RBFOX1: variants seen among roughly 807,000 people sequenced by gnomAD.
The protein encoded by RBFOX1 is RNA binding protein fox-1 homolog 1.
In RBFOX1, 8 loss-of-function variants were observed where a neutral mutation model predicts 57.7. The ratio of observed to expected loss-of-function variants is 0.14; its 90% CI spans 0.08 to 0.25. The LOEUF is 0.25. Ranked by LOEUF, RBFOX1 falls within the 10% of genes least tolerant of loss-of-function variation. The probability of loss-of-function intolerance (pLI) is 1.00; values close to 1 mark genes in which losing one functional copy is unlikely to be tolerated. For synonymous variants in RBFOX1, 326 were observed against 222.4 expected, an observed-to-expected ratio of 1.47 and a Z score of -4.15; for missense variants, 611 against 548.5, an observed-to-expected ratio of 1.11 and a Z score of -1.14.
At position 6,855,566 on chromosome 16, in the gene RBFOX1, T is replaced by A. The variant is rs66802838; in HGVS notation, c.-15-196491T>A. Among the ~76,000 whole-genome samples, 157 of 150,564 alleles carry A rather than the reference T, an allele frequency of 1.0e-3. 1 individual carries two copies. The highest frequency in any genetic ancestry group is 1.4e-3 in the Non-Finnish European group (93 of 67,722). On this transcript the variant is annotated intron_variant, in intron 3 of 15. Transcript: ENST00000550418. ...TACTGGGGAGGCTGAGGCAGGAGAA[T>A]GGCGTGAACCCGAGAGGTGGAGCTT...
chr16:6,326,018 G>T (rs565076626), intron 2 of RBFOX1, among the ~76,000 whole-genome samples: 1 of 152,204 alleles, frequency 6.6e-6, no homozygotes, highest in Admixed American at 6.5e-5. Flanking sequence ...ACTTGTGTGC[G>T]TGAGTGTGTG....
At chr16:6,434,515 T>A (rs1431314066) in intron 2 of RBFOX1, among the ~76,000 whole-genome samples, 3 of 152,180 alleles carry the variant, frequency 2.0e-5, no homozygotes. Context: ...TTTAACTCGA[T>A]TAGCTCATGT....
chr16:6,228,237 C>G (rs1415472732), intron 1 of RBFOX1, among the ~76,000 whole-genome samples: 1 of 152,002 alleles, frequency 6.6e-6, no homozygotes, highest in Non-Finnish European at 1.5e-5. Flanking sequence ...GTGGGAGAAT[C>G]GCTTGAACCT....
chr16:6,284,544 G>C (rs2076706767), intron 1 of RBFOX1, among the ~76,000 whole-genome samples: 2 of 152,134 alleles, frequency 1.3e-5, no homozygotes, highest in Non-Finnish European at 2.9e-5. Context: ...TTTATCACCT[G>C]TTTGCCTGAG....
intron 1 of RBFOX1, among the ~76,000 whole-genome samples, chr16:5,399,058 CT>C (rs1191922349): frequency 6.6e-6 from 1 of 152,202 alleles, no homozygotes; most frequent in Admixed American, 6.5e-5. Flanking sequence ...CAGACCCCTT[CT>C]TAACTTGGTG....
intron 4 of RBFOX1, among the ~76,000 whole-genome samples, chr16:7,132,496 G>A (rs1037942677): frequency 1.4e-5 from 2 of 142,780 alleles, no homozygotes; most frequent in Admixed American, 7.0e-5. Context: ...ACTTTATCTT[G>A]AATAACATAA....
intron 2 of RBFOX1, among the ~76,000 whole-genome samples, chr16:6,651,209 C>T (rs1403162349): frequency 6.6e-6 from 1 of 152,084 alleles, no homozygotes; most frequent in African/African-American, 2.4e-5. Flanking sequence ...GCCTGGAACC[C>T]CTAATGTTTG....
intron 4 of RBFOX1, among the ~76,000 whole-genome samples, chr16:5,975,488 T>C (rs536683280): frequency 8.5e-5 from 13 of 152,356 alleles, no homozygotes; most frequent in Middle Eastern, 3.4e-3. Flanking sequence ...TGTATACTTA[T>C]GGTTTAGTAT....
At chr16:5,481,867 C>T (rs1309649109) in intron 2 of RBFOX1, among the ~76,000 whole-genome samples, 1 of 152,148 alleles carries the variant, frequency 6.6e-6, no homozygotes, top group Non-Finnish European at 1.5e-5. Flanking sequence ...GTGTCTGTGT[C>T]CTAATCAAAG....
At chr16:6,043,526 C>G (rs1034254957) in intron 1 of RBFOX1, among the ~76,000 whole-genome samples, 11 of 152,166 alleles carry the variant, frequency 7.2e-5, no homozygotes, top group Non-Finnish European at 1.3e-4. Context: ...TATTTGAATG[C>G]TAATGCTGAA....
intron 1 of RBFOX1, among the ~76,000 whole-genome samples, chr16:6,135,785 C>CTTTTTTTT (rs35563303): frequency 1.2e-5 from 1 of 85,034 alleles, no homozygotes; most frequent in Non-Finnish European, 2.2e-5. Context: ...CTCGTTTCGA[C>CTTTTTTTT]TTTTTTTTTT....
At chr16:7,289,575 C>T (rs2095719747) in intron 4 of RBFOX1, among the ~76,000 whole-genome samples, 1 of 152,072 alleles carries the variant, frequency 6.6e-6, no homozygotes, top group East Asian at 1.9e-4. Flanking sequence ...TCATGATTAT[C>T]AGTGCCATCA....
chr16:6,438,053 C>T (rs2094285169), intron 2 of RBFOX1, among the ~76,000 whole-genome samples: 1 of 152,058 alleles, frequency 6.6e-6, no homozygotes, highest in Admixed American at 6.6e-5. Flanking sequence ...TGCCGTTCAC[C>T]CTGGGGAATA....
intron 2 of RBFOX1, among the ~76,000 whole-genome samples, chr16:5,512,539 C>G (rs925574175): frequency 2.6e-5 from 4 of 152,090 alleles, no homozygotes; most frequent in African/African-American, 9.7e-5. Context: ...AGAATCCCAG[C>G]TTTGTCATTT....
intron 6 of RBFOX1, among the ~76,000 whole-genome samples, chr16:7,583,336 A>G (rs2093919868): frequency 6.6e-6 from 1 of 152,112 alleles, no homozygotes. Context: ...ATAGGTGGCT[A>G]CTTTTTCCTT....
At chr16:6,331,223 G>A (rs2082982230) in intron 2 of RBFOX1, among the ~76,000 whole-genome samples, 1 of 152,278 alleles carries the variant, frequency 6.6e-6, no homozygotes, top group African/African-American at 2.4e-5. Context: ...GGCCAAGGCA[G>A]GTGGACGTGG....
At position 6,617,781 on chromosome 16, in the gene RBFOX1, G is replaced by A. The variant is rs537339989; in HGVS notation, c.-63-36822G>A. ...GAAATATGGCAAGACAGTAGACAGT[G>A]GGGGATAAAGTACAGCAATTTTCTT... is the stretch of plus-strand genomic sequence containing the variant. On this transcript the variant is annotated intron_variant, in intron 2 of 15. Transcript: ENST00000550418. 4.6e-5 allele frequency among the ~76,000 whole-genome samples: 7 copies of A among 152,264 alleles called. 1 individual carries two copies. The East Asian group carries it at 1.2e-3, about 25-fold the overall frequency.
intron 1 of RBFOX1, among the ~76,000 whole-genome samples, chr16:6,072,938 A>G (rs545216580): frequency 1.4e-4 from 22 of 152,288 alleles, no homozygotes; most frequent in African/African-American, 5.1e-4. Context: ...ATCAAATTGT[A>G]TACGTTAAAT....
At chr16:6,118,894 A>G (rs947738305) in intron 1 of RBFOX1, among the ~76,000 whole-genome samples, 9 of 151,630 alleles carry the variant, frequency 5.9e-5, no homozygotes, top group African/African-American at 2.2e-4. Context: ...TGACCTAATC[A>G]TCTCCCAATA....
Sources: gnomAD v4.1 joint callset for allele counts (sites outside exome capture counted in the v4.1 genomes callset) on GRCh38, gnomAD v4.1.1 for gene constraint, MANE v1.5 for transcripts, NCBI Gene and HGNC (gene_info 2026-07-23, HGNC 2026-07-21) for gene names.